The following OGFOD3 variants were observed in gnomAD, a reference collection of about 807,000 sequenced individuals.
The protein encoded by OGFOD3 is 2-oxoglutarate and iron dependent oxygenase domain containing 3, also known as 2-oxoglutarate and iron-dependent oxygenase domain-containing protein 3.
A neutral mutation model predicts 39.8 loss-of-function variants in OGFOD3; 35 were observed. The ratio of observed to expected loss-of-function variants is 0.88; its 90% CI spans 0.67 to 1.17. The LOEUF (loss-of-function observed/expected upper bound fraction) is 1.17. Among genes scored for constraint, OGFOD3 ranks in the 50% most tolerant of loss-of-function variants. The pLI is 0.00. For synonymous variants in OGFOD3, 200 were observed against 192.0 expected (o/e 1.04, Z -0.34); for missense variants, 438 against 454.5 (o/e 0.96, Z 0.33).
intron 1 of OGFOD3, chr17:82,417,184 T>C (rs2053071373): frequency 6.6e-6 from 1 of 152,240 alleles, no homozygotes. Flanking sequence ...AGAATACTTA[T>C]AAATCATCAC....
chr17:82,392,429 T>C lies in OGFOD3; in HGVS notation c.929A>G (p.Asp310Gly). ...GAACGCTGGGTCCTCGATGCCATGG[T>C]CGGGGTTGCAGCTGAAGGCGATGGT... The part of the protein sequence containing the change: ...AITIAFSCNP[D>G]HGIEDPAFP Residue 310 changes from aspartate (D) to glycine (G), a missense_variant, in exon 9 of 9, where the codon GAC becomes GGC. Coordinates refer to ENST00000313056, the MANE Select transcript of OGFOD3 (RefSeq NM_024648.3). The surrounding 1 kb of genome is among the most constrained non-coding windows in gnomAD (Gnocchi z 4.2). 6.2e-7 allele frequency: 1 copy of C among 1,612,546 alleles called. No individual in the cohort carries two copies. Among genetic ancestry groups the C allele is most frequent in the Non-Finnish European group, 8.5e-7 (1 of 1,179,650 alleles).
intron 8 of OGFOD3, chr17:82,393,551 C>G (rs1015068266): frequency 6.6e-6 from 1 of 152,258 alleles, no homozygotes; most frequent in South Asian, 2.1e-4. Flanking sequence ...TTTCCCGGAC[C>G]GTGTGGGCCA....
intron 8 of OGFOD3, among the ~76,000 whole-genome samples, chr17:82,397,641 C>T (rs1205524521): frequency 6.6e-6 from 1 of 152,092 alleles, no homozygotes; most frequent in Non-Finnish European, 1.5e-5. Context: ...ACTGTCCGCT[C>T]GGCAAATGCT....
chr17:82,392,715 C>T lies in OGFOD3; in HGVS notation c.824-181G>A, dbSNP rs1300131962. On this transcript the variant is annotated intron_variant, in intron 8 of 8. Coordinates refer to ENST00000313056, the MANE Select transcript of OGFOD3 (RefSeq NM_024648.3). This position sits in a 1 kb window ranked among gnomAD's most constrained non-coding sequence, Gnocchi z 4.2. Reference sequence around the variant, plus strand: ...GAAGGAGGAGCTGGAGAAACAAACGCAGCAATGCTCAGGGGCCCTGTGGCG... The same window carrying T: ...GAAGGAGGAGCTGGAGAAACAAACGTAGCAATGCTCAGGGGCCCTGTGGCG... 2 of 735,992 alleles carry T rather than the reference C, an allele frequency of 2.7e-6. No individual in the cohort carries two copies. Among genetic ancestry groups the T allele is most frequent in the Non-Finnish European group, 4.3e-6 (2 of 463,702 alleles). 45.6% of individuals were successfully genotyped at this position (735,992 alleles called of 1,614,324 possible). A position where few individuals can be genotyped will look rare whatever the true frequency, so the allele number is the denominator to read the frequency against.
intron 8 of OGFOD3, among the ~76,000 whole-genome samples, chr17:82,395,756 G>A (rs1276612971): frequency 6.6e-6 from 1 of 152,198 alleles, no homozygotes; most frequent in Non-Finnish European, 1.5e-5. Flanking sequence ...GGGAGGCGGA[G>A]CTTGCAGTGA....
intron 4 of OGFOD3, among the ~76,000 whole-genome samples, chr17:82,408,901 C>T (rs112481562): frequency 0.01 from 1,546 of 152,328 alleles, 31 homozygotes; most frequent in African/African-American, 0.036. Flanking sequence ...TCACATGGGA[C>T]GACAGCCCCA....
rs1306980844 is a variant in OGFOD3, at chr17:82,412,749, C to T, written c.305-1219G>A. On this transcript the variant is annotated intron_variant, in intron 2 of 8. Coordinates refer to ENST00000313056, the MANE Select transcript of OGFOD3 (RefSeq NM_024648.3). ...GGTACCAAGTGCAGCTGGCTTCATG[C>T]GCTGGAAAGGCGTCAGGCCATGCCT... is the stretch of plus-strand genomic sequence containing the variant. Among the ~76,000 whole-genome samples, 6 of 152,136 alleles carry T rather than the reference C, an allele frequency of 3.9e-5. No individual in the cohort carries two copies. The East Asian group carries it at 9.6e-4, about 24-fold the overall frequency.
At position 82,392,532 on chromosome 17, in the gene OGFOD3, G is replaced by T; in HGVS notation, c.826C>A (p.Arg276Ser). ...GACCCCGAGGTGAAGAAGGAGACGC[G>T]ACCTGGGAGAGGAGAAGAGAGAGAG... ...ANKTVEPRAG[R>S]VSFFTSGSEN... is the part of the protein sequence containing the mutation. Residue 276 changes from arginine (R) to serine (S), a missense_variant and splice_region_variant, in exon 9 of 9, where the codon CGC (arginine) becomes AGC (serine). Physicochemically the swap from Arg to Ser is moderately radical, Grantham distance 110. Transcript: ENST00000313056. This position sits in a 1 kb window ranked among gnomAD's most constrained non-coding sequence, Gnocchi z 4.2. 1 of 1,584,674 alleles carries T rather than the reference G, an allele frequency of 6.3e-7. No individual in the cohort carries two copies. The highest frequency in any genetic ancestry group is 8.6e-7 in the Non-Finnish European group (1 of 1,165,918).
chr17:82,409,458 A>C, intron 3 of OGFOD3, 48 bp from the exon 4 acceptor site: 1 of 1,573,892 alleles, frequency 6.4e-7, no homozygotes, highest in Admixed American at 1.7e-5. Context: ...ATTGTCTATA[A>C]TGTATAATCT....
At position 82,405,304 on chromosome 17, in the gene OGFOD3, C is replaced by T. The variant is rs756339395; in HGVS notation, c.545+20G>A. The T allele has an allele frequency of 6.2e-7, 1 of 1,612,010 alleles. No individual in the cohort carries two copies. The highest frequency in any genetic ancestry group is 1.1e-5 in the South Asian group (1 of 90,964). On this transcript the variant is annotated intron_variant, in intron 6 of 8. Transcript: ENST00000313056. The stretch of plus-strand genomic sequence containing the variant: ...AGGCCACCCCGCCTGCGAACCCCCA[C>T]CCGCCTCACTCCTCCTTACCGGTAT...
At chr17:82,396,284 G>C (rs969131987) in intron 8 of OGFOD3, among the ~76,000 whole-genome samples, 1 of 103,860 alleles carries the variant, frequency 9.6e-6, no homozygotes, top group African/African-American at 3.0e-5. Context: ...TAAACACATA[G>C]ATACACACAA....
rs869251737 is a variant in OGFOD3, at chr17:82,404,741, CT to C, written c.545+582del. Among the ~76,000 whole-genome samples the C allele has an allele frequency of 0.03, 3,951 of 133,124 alleles. 131 individuals are homozygous for C. Among genetic ancestry groups the C allele is most frequent in the African/African-American group, 0.1 (3,581 of 35,402 alleles). 87.3% of individuals were successfully genotyped at this position (133,124 alleles called of 152,430 possible). On this transcript the variant is annotated intron_variant, in intron 6 of 8. Transcript: ENST00000313056. The surrounding 1 kb of genome is among the most constrained non-coding windows in gnomAD (Gnocchi z 4.5). Reference sequence around the variant, plus strand: ...CCAGCAGAATTTTTTCTTTTCTTTTCTTTTTTTTTTTTTTTTTTGAGATGAG... The same window carrying C: ...CCAGCAGAATTTTTTCTTTTCTTTTCTTTTTTTTTTTTTTTTTGAGATGAG...
At chr17:82,403,762 C>T (rs2052803411) in intron 7 of OGFOD3, 175 bp downstream of exon 7, 6 of 829,568 alleles carry the variant, frequency 7.2e-6, no homozygotes, top group African/African-American at 1.7e-5. Flanking sequence ...TCCACATGCG[C>T]GCTCACCCTG....
At chr17:82,396,208 A>G (rs2052670304) in intron 8 of OGFOD3, among the ~76,000 whole-genome samples, 2 of 151,324 alleles carry the variant, frequency 1.3e-5, no homozygotes, top group Non-Finnish European at 2.9e-5. Flanking sequence ...CAGATGTACG[A>G]CATCAAATCG....
chr17:82,415,319 C>A lies in OGFOD3; in HGVS notation c.304+79G>T. On this transcript the variant is annotated intron_variant, in intron 2 of 8. Coordinates refer to ENST00000313056, the MANE Select transcript of OGFOD3 (RefSeq NM_024648.3). The surrounding 1 kb of genome is among the most constrained non-coding windows in gnomAD (Gnocchi z 5.3). The stretch of plus-strand genomic sequence containing the variant: ...ACCCCCAAGCATACCACATCCAACC[C>A]AATTCCCACCCCTTCGTCGCAGCCA... 7.1e-7 allele frequency: 1 copy of A among 1,413,422 alleles called. No homozygotes were observed. The highest frequency in any genetic ancestry group is 9.8e-7 in the Non-Finnish European group (1 of 1,015,658). The allele number at this position is 1,413,422 out of a possible 1,614,324, so 87.6% of individuals were successfully genotyped here.
In OGFOD3 at chr17:82,392,755, C is replaced by G. The variant is rs940672966; in HGVS notation, c.824-221G>C. On this transcript the variant is annotated intron_variant, in intron 8 of 8. Coordinates refer to ENST00000313056, the MANE Select transcript of OGFOD3 (RefSeq NM_024648.3). This position sits in a 1 kb window ranked among gnomAD's most constrained non-coding sequence, Gnocchi z 4.2. ...GCCCTGTGGCGGAGGAGGGGCCCCC[C>G]GGGGCCAGCAGGGACTCTGTGGTGG... 2.9e-5 allele frequency: 17 copies of G among 591,826 alleles called. No homozygotes were observed. In the Admixed American group the frequency reaches 5.0e-4, roughly 18 times the overall value. 36.7% of individuals were successfully genotyped at this position (591,826 alleles called of 1,614,324 possible).
chr17:82,409,317 G>A (rs2052906725), intron 4 of OGFOD3, 51 bp downstream of exon 4: 1 of 1,588,460 alleles, frequency 6.3e-7, no homozygotes, highest in Non-Finnish European at 8.6e-7. Context: ...ATCCAAGTGA[G>A]AGCAAAGTTA....
At chr17:82,418,302 C>T (rs866893646) in intron 1 of OGFOD3, 110 bp downstream of exon 1, 3 of 141,108 alleles carry the variant, frequency 2.1e-5, no homozygotes, top group Non-Finnish European at 4.5e-5. Flanking sequence ...CTGCCCCCCC[C>T]CACCCCCCCA....
Position 82,415,228 on chromosome 17 carries a change from C to T in OGFOD3, c.304+170G>A, listed in dbSNP as rs1021659885. On this transcript the variant is annotated intron_variant, in intron 2 of 8. Coordinates refer to ENST00000313056, the MANE Select transcript of OGFOD3 (RefSeq NM_024648.3). This position sits in a 1 kb window ranked among gnomAD's most constrained non-coding sequence, Gnocchi z 5.3. ...TGGCCGGGCAGTGATGGGCAGGGCG[C>T]GAAACACCTGCACTCCCAGTCAGAC... is the stretch of plus-strand genomic sequence containing the variant. Among the ~76,000 whole-genome samples the T allele has an allele frequency of 6.6e-6, 1 of 152,132 alleles. No homozygotes were observed. Among genetic ancestry groups the T allele is most frequent in the Non-Finnish European group, 1.5e-5 (1 of 68,010 alleles).
Sources: gnomAD v4.1 joint callset for allele counts (sites outside exome capture counted in the v4.1 genomes callset) on GRCh38, gnomAD v4.1.1 for gene constraint, Gnocchi (gnomAD v3.1) non-coding constraint, MANE v1.5 for transcripts, NCBI Gene and HGNC (gene_info 2026-07-23, HGNC 2026-07-21) for gene names.